The following ARHGAP21 variants were observed in gnomAD, a reference collection of about 807,000 sequenced individuals.
ARHGAP21 encodes rho GTPase-activating protein 21.
A neutral mutation model predicts 164.6 loss-of-function variants in ARHGAP21; 38 were observed. The observed-to-expected ratio is 0.23, with a 90% CI of 0.18 to 0.30. The LOEUF (loss-of-function observed/expected upper bound fraction) is 0.30. Among genes scored for constraint, ARHGAP21 ranks in the 10% least tolerant of loss-of-function variants. The pLI is 1.00. For missense variants in ARHGAP21, 1,822 were observed against 2,370.7 expected (o/e 0.77, Z 4.81); for synonymous variants, 766 against 857.9 (o/e 0.89, Z 1.87).
chr10:24,698,293 A>G (rs1843354551), intron 2 of ARHGAP21, among the ~76,000 whole-genome samples: 2 of 152,136 alleles, frequency 1.3e-5, no homozygotes, highest in African/African-American at 4.8e-5. Flanking sequence ...AGAATTAAGA[A>G]GCCCAAGAAA....
chr10:24,606,778 C>G (rs1476220111), intron 11 of ARHGAP21, among the ~76,000 whole-genome samples: 1 of 151,964 alleles, frequency 6.6e-6, no homozygotes, highest in East Asian at 1.9e-4. Context: ...GAGGTGGAGG[C>G]TGCAGTGAGC....
intron 14 of ARHGAP21, among the ~76,000 whole-genome samples, chr10:24,598,553 GA>G (rs1223443602): frequency 6.6e-6 from 1 of 152,102 alleles, no homozygotes; most frequent in Non-Finnish European, 1.5e-5. Flanking sequence ...AAATTTGCAT[GA>G]TTTTTTTTTA....
chr10:24,676,559 G>C (rs1841269485), intron 2 of ARHGAP21, among the ~76,000 whole-genome samples: 1 of 152,188 alleles, frequency 6.6e-6, no homozygotes, highest in African/African-American at 2.4e-5. Flanking sequence ...AAAGGGATGA[G>C]GGTGGAAAAT....
chr10:24,666,961 TA>T, intron 4 of ARHGAP21, 23 bp downstream of exon 4: 1 of 1,418,706 alleles, frequency 7.0e-7, no homozygotes, highest in Non-Finnish European at 9.7e-7. Context: ...CATTCAGAGA[TA>T]AATTAAAATG....
At chr10:24,615,487 A>G (rs368549368) in intron 9 of ARHGAP21, among the ~76,000 whole-genome samples, 2 of 152,338 alleles carry the variant, frequency 1.3e-5, no homozygotes, top group East Asian at 3.9e-4. Context: ...AATAGTCGGC[A>G]TAAAACTTAG....
At chr10:24,601,368 T>C (rs1401322865) in intron 13 of ARHGAP21, among the ~76,000 whole-genome samples, 1 of 152,238 alleles carries the variant, frequency 6.6e-6, no homozygotes, top group Non-Finnish European at 1.5e-5. Context: ...TCATCAACTT[T>C]ATATGGCTAA....
intron 2 of ARHGAP21, among the ~76,000 whole-genome samples, chr10:24,711,692 C>T (rs916664548): frequency 6.6e-6 from 1 of 152,086 alleles, no homozygotes; most frequent in Non-Finnish European, 1.5e-5. Flanking sequence ...TCCCTAGGAA[C>T]CCCAAAACAG....
intron 1 of ARHGAP21, 116 bp from the exon 2 acceptor site, chr10:24,722,395 T>G (rs1257405324): frequency 6.5e-6 from 1 of 153,902 alleles, no homozygotes; most frequent in African/African-American, 2.4e-5. Context: ...AAAAAAAAAT[T>G]TTAACGTAAA....
At chr10:24,649,063 G>A (rs903699292) in intron 4 of ARHGAP21, among the ~76,000 whole-genome samples, 3 of 152,160 alleles carry the variant, frequency 2.0e-5, no homozygotes, top group Admixed American at 1.3e-4. Flanking sequence ...ATATAAGTGA[G>A]TTTATACAGT....
At chr10:24,695,306 C>T (rs925377244) in intron 2 of ARHGAP21, among the ~76,000 whole-genome samples, 1 of 152,006 alleles carries the variant, frequency 6.6e-6, no homozygotes, top group African/African-American at 2.4e-5. Flanking sequence ...CAGTGGCTCA[C>T]GCCTATAATC....
intron 6 of ARHGAP21, among the ~76,000 whole-genome samples, chr10:24,631,034 A>G (rs895745437): frequency 4.6e-5 from 7 of 152,210 alleles, no homozygotes; most frequent in African/African-American, 1.7e-4. Flanking sequence ...CTAAGTTTAG[A>G]AAGTTCAAAG....
At chr10:24,642,086 T>C (rs1837096353) in intron 4 of ARHGAP21, among the ~76,000 whole-genome samples, 1 of 152,114 alleles carries the variant, frequency 6.6e-6, no homozygotes, top group Admixed American at 6.5e-5. Flanking sequence ...AGCTTAATTA[T>C]AAAAACATTT....
In ARHGAP21 at chr10:24,591,870, A is replaced by G. The variant is rs764779664; in HGVS notation, c.4002+17T>C. 4 of 1,600,448 alleles carry G rather than the reference A, an allele frequency of 2.5e-6. No individual in the cohort carries two copies. Among genetic ancestry groups the G allele is most frequent in the Non-Finnish European group, 3.4e-6 (4 of 1,174,968 alleles). ...AGAGATGAAGCATGAACTTACAGAG[A>G]TGAAGCATGAACTTACGTGCTGGAT... On this transcript the variant is annotated intron_variant, in intron 22 of 25. Coordinates refer to ENST00000396432, the MANE Select transcript of ARHGAP21 (RefSeq NM_020824.4).
At chr10:24,680,317 CA>C (rs1380452120) in intron 2 of ARHGAP21, among the ~76,000 whole-genome samples, 1 of 152,034 alleles carries the variant, frequency 6.6e-6, no homozygotes, top group Non-Finnish European at 1.5e-5. Flanking sequence ...ACTCATATTT[CA>C]ACACTTTAAA....
Position 24,670,205 on chromosome 10 carries a change from C to G in ARHGAP21, c.243+13G>C. ...TGGTTTTTTTTTCAAGTTGCGGTAACTATTTCTCTTACCTTATATGAAAAT... is the reference window on the plus strand; with the variant it reads ...TGGTTTTTTTTTCAAGTTGCGGTAAGTATTTCTCTTACCTTATATGAAAAT... On this transcript the variant is annotated intron_variant, in intron 3 of 25. Coordinates refer to ENST00000396432, the MANE Select transcript of ARHGAP21 (RefSeq NM_020824.4). 6.5e-7 allele frequency: 1 copy of G among 1,535,308 alleles called. No individual in the cohort carries two copies.
intron 4 of ARHGAP21, among the ~76,000 whole-genome samples, chr10:24,647,748 G>A (rs1837721348): frequency 6.6e-6 from 1 of 152,162 alleles, no homozygotes; most frequent in South Asian, 2.1e-4. Flanking sequence ...TATCCTTAAT[G>A]ATCTTTGCTC....
At position 24,584,750 on chromosome 10, in the gene ARHGAP21, G is replaced by T. The variant is rs1263120864; in HGVS notation, c.5539C>A (p.Leu1847Ile). The T allele has an allele frequency of 3.1e-6, 5 of 1,614,014 alleles. No individual in the cohort carries two copies. Among genetic ancestry groups the T allele is most frequent in the South Asian group, 2.2e-5 (2 of 91,074 alleles). The change falls in exon 26 of 26, where the codon CTT becomes ATT. Residue 1847 changes from leucine (L) to isoleucine (I), a missense_variant. This residue lies in a region of ARHGAP21 where 165 missense variants were observed against 176.6 expected (regional missense o/e 0.93). Transcript: ENST00000396432. Reference sequence around the variant, plus strand: ...CTGGCCAGCCAGTCTGAGATGGAAAGGTCCTGGGCTGAGCATTTTGGTTTT... The same window carrying T: ...CTGGCCAGCCAGTCTGAGATGGAAATGTCCTGGGCTGAGCATTTTGGTTTT... ...RLKPKCSAQD[L>I]SISDWLARER...
intron 2 of ARHGAP21, among the ~76,000 whole-genome samples, chr10:24,713,548 C>A (rs1845057862): frequency 1.3e-5 from 2 of 151,936 alleles, no homozygotes; most frequent in Admixed American, 1.3e-4. Context: ...CTTTTATTCA[C>A]AAATCTACAT....
chr10:24,590,312 C>T (rs1592925505), intron 24 of ARHGAP21: 3 of 1,534,758 alleles, frequency 2.0e-6, no homozygotes, highest in Non-Finnish European at 2.6e-6. Context: ...AGAAACTTTA[C>T]ACCACAGATC....
Sources: gnomAD v4.1 joint callset for allele counts (sites outside exome capture counted in the v4.1 genomes callset) on GRCh38, gnomAD v4.1.1 for gene constraint, gnomAD v4.1.1 regional missense constraint, MANE v1.5 for transcripts, NCBI Gene and HGNC (gene_info 2026-07-23, HGNC 2026-07-21) for gene names.